The following KIAA0753 variants were observed in gnomAD, a reference collection of about 807,000 sequenced individuals.
KIAA0753 encodes the protein KIAA0753.
A neutral mutation model predicts 116.9 loss-of-function variants in KIAA0753; 114 were observed. The observed-to-expected ratio is 0.98, with a 90% CI of 0.84 to 1.14. KIAA0753 has a LOEUF of 1.14. Among genes scored for constraint, KIAA0753 ranks in the 50% most tolerant of loss-of-function variants. KIAA0753 has a pLI of 0.00. For missense variants in KIAA0753, 1,156 were observed against 1,172.4 expected (o/e 0.99, Z 0.20); for synonymous variants, 405 against 413.1 (o/e 0.98, Z 0.24).
At chr17:6,627,257 T>G (rs75007936) in intron 3 of KIAA0753, among the ~76,000 whole-genome samples, 10,986 of 152,242 alleles carry the variant, frequency 0.072, 736 homozygotes, top group African/African-American at 0.17. Context: ...CTTTCCTTAT[T>G]GTTTCCTTTG....
At chr17:6,635,346 C>G (rs1304408518) in intron 1 of KIAA0753, 175 bp from the exon 2 acceptor site, 1 of 322,182 alleles carries the variant, frequency 3.1e-6, no homozygotes, top group African/African-American at 2.2e-5. Flanking sequence ...ATAAAAGCAA[C>G]CACACTTTGG....
At chr17:6,623,198 A>C in intron 5 of KIAA0753, 101 bp from the exon 6 acceptor site, 1 of 1,195,104 alleles carries the variant, frequency 8.4e-7, no homozygotes, top group South Asian at 1.5e-5. Flanking sequence ...TTTCTGTATA[A>C]AGTGCTTTCT....
At chr17:6,623,477 C>T (rs770804558) in intron 5 of KIAA0753, 32 bp downstream of exon 5, 19 of 1,511,416 alleles carry the variant, frequency 1.3e-5, no homozygotes, top group Non-Finnish European at 1.7e-5. Flanking sequence ...CATTTATAAG[C>T]AAGTATTGAT....
At position 6,610,018 on chromosome 17, in the gene KIAA0753, G is replaced by A. The variant is rs1970426956; in HGVS notation, c.1688C>T (p.Thr563Ile). The A allele has an allele frequency of 6.2e-7, 1 of 1,614,152 alleles. No individual in the cohort carries two copies. The change falls in exon 9 of 19, where the codon ACA becomes ATA. Residue 563 changes from threonine (T) to isoleucine (I), a missense_variant. Coordinates refer to ENST00000361413, the MANE Select transcript of KIAA0753 (RefSeq NM_014804.3). ...CCATTTAGGAGACGCTGGTGGGGAT[G>A]TGGGGTTTGGGGGTATCCATGGTGC... ...RKAPWIPPNP[T>I]SPPASPKCAA... is the part of the protein sequence containing the mutation.
rs143187295 is a variant in KIAA0753, at chr17:6,585,531, G to A, written c.2786+4248C>T. On this transcript the variant is annotated intron_variant, in intron 18 of 18. Coordinates refer to ENST00000361413, the MANE Select transcript of KIAA0753 (RefSeq NM_014804.3). ...ATTCAGATGTTGAATCTCCTAGAAC[G>A]GCTTCTAATTTTAAAAATATTTTAT... Among the ~76,000 whole-genome samples the A allele has an allele frequency of 3.9e-4, 60 of 152,052 alleles. No homozygotes were observed. In the East Asian group the frequency reaches 0.011, roughly 29 times the overall value.
intron 2 of KIAA0753, among the ~76,000 whole-genome samples, chr17:6,634,178 C>T (rs2150924520): frequency 6.6e-6 from 1 of 150,832 alleles, no homozygotes; most frequent in Middle Eastern, 3.4e-3. Flanking sequence ...TCTCTGCTCA[C>T]TGCAACCTCT....
chr17:6,610,251 T>C (rs1970443902), intron 8 of KIAA0753, 91 bp from the exon 9 acceptor site: 1 of 1,346,692 alleles, frequency 7.4e-7, no homozygotes, highest in African/African-American at 1.5e-5. Context: ...AAGTTCTCCA[T>C]GTTATTCATG....
chr17:6,623,646 A>AT, intron 4 of KIAA0753, 75 bp from the exon 5 acceptor site: 2 of 1,541,598 alleles, frequency 1.3e-6, no homozygotes, highest in Non-Finnish European at 1.7e-6. Context: ...ATGCATCGAT[A>AT]TATCTCCTCT....
At chr17:6,619,546 C>T (rs1971164708) in intron 7 of KIAA0753, among the ~76,000 whole-genome samples, 1 of 152,102 alleles carries the variant, frequency 6.6e-6, no homozygotes, top group Non-Finnish European at 1.5e-5. Flanking sequence ...CCTGCCTCAG[C>T]CTTCCAAGTA....
intron 18 of KIAA0753, among the ~76,000 whole-genome samples, chr17:6,587,598 A>C (rs1968673899): frequency 6.6e-6 from 1 of 152,252 alleles, no homozygotes; most frequent in African/African-American, 2.4e-5. Flanking sequence ...TGTTAACAAA[A>C]GGAAGCAAGT....
At chr17:6,593,340 G>A (rs1969216410) in intron 16 of KIAA0753, among the ~76,000 whole-genome samples, 1 of 152,258 alleles carries the variant, frequency 6.6e-6, no homozygotes, top group South Asian at 2.1e-4. Flanking sequence ...AGCACTTCGG[G>A]AGGCCGGGCG....
chr17:6,633,701 A>C (rs190234367), intron 2 of KIAA0753, among the ~76,000 whole-genome samples: 2 of 152,366 alleles, frequency 1.3e-5, no homozygotes, highest in East Asian at 3.9e-4. Context: ...ATGAGAAAAA[A>C]GGATTAAAAA....
At chr17:6,600,519 T>C in intron 12 of KIAA0753, 61 bp from the exon 13 acceptor site, 1 of 1,320,810 alleles carries the variant, frequency 7.6e-7, no homozygotes, top group Non-Finnish European at 1.1e-6. Flanking sequence ...ATTTTGCATA[T>C]TTATTTGCCA....
chr17:6,613,602 G>A (rs570411155), intron 7 of KIAA0753, among the ~76,000 whole-genome samples: 10 of 152,220 alleles, frequency 6.6e-5, no homozygotes, highest in Admixed American at 4.6e-4. Context: ...CATCATGGAC[G>A]TGACAAAGGC....
chr17:6,605,410 G>A (rs745961458), intron 12 of KIAA0753, among the ~76,000 whole-genome samples: 4 of 152,140 alleles, frequency 2.6e-5, no homozygotes, highest in East Asian at 1.9e-4. Context: ...GATGGAGGAC[G>A]CCCTGTGTGT....
intron 1 of KIAA0753, chr17:6,637,990 T>G (rs1567596053): frequency 6.6e-6 from 1 of 152,494 alleles, no homozygotes; most frequent in Non-Finnish European, 1.5e-5. Context: ...CCTCTGTCTC[T>G]GTCCCCAGGG....
chr17:6,635,514 A>G (rs1368153311), intron 1 of KIAA0753: 4 of 159,274 alleles, frequency 2.5e-5, no homozygotes, highest in Admixed American at 2.4e-4. Context: ...AGCATGTTCC[A>G]GCAGGGTGGT....
intron 2 of KIAA0753, among the ~76,000 whole-genome samples, chr17:6,631,885 T>TTTTATTTA (rs534584397): frequency 2.6e-5 from 4 of 152,112 alleles, no homozygotes; most frequent in Non-Finnish European, 4.4e-5. Flanking sequence ...CTGGAGTATC[T>TTTTATTTA]TTTATTTATT....
At chr17:6,613,820 G>A (rs943318814) in intron 7 of KIAA0753, among the ~76,000 whole-genome samples, 1 of 152,184 alleles carries the variant, frequency 6.6e-6, no homozygotes, top group African/African-American at 2.4e-5. Flanking sequence ...CAGGGCAGAA[G>A]AGACTTTCTT....
Sources: gnomAD v4.1 joint callset for allele counts (sites outside exome capture counted in the v4.1 genomes callset) on GRCh38, gnomAD v4.1.1 for gene constraint, MANE v1.5 for transcripts, NCBI Gene and HGNC (gene_info 2026-07-23, HGNC 2026-07-21) for gene names.